Variants in BCAR3 observed in about 807,000 individuals in gnomAD.
The protein encoded by BCAR3 is BCAR3 adaptor protein, NSP family member.
In BCAR3, 37 loss-of-function variants were observed where a neutral mutation model predicts 80.1. The ratio of observed to expected loss-of-function variants is 0.46; its 90% confidence interval spans 0.36 to 0.61. BCAR3 has a LOEUF of 0.61. Among genes scored for constraint, BCAR3 ranks in the 20% least tolerant of loss-of-function variants. The pLI, the probability that BCAR3 is intolerant of heterozygous loss-of-function variation, is 0.00. For synonymous variants in BCAR3, 389 were observed against 418.9 expected (o/e 0.93, Z 0.87); for missense variants, 978 against 1,068.2 (o/e 0.92, Z 1.18).
chr1:93,785,082 A>G (rs1477408280), intron 2 of BCAR3, among the ~76,000 whole-genome samples: 1 of 152,208 alleles, frequency 6.6e-6, no homozygotes, highest in Non-Finnish European at 1.5e-5. Context: ...GGGGCATATC[A>G]TTCATTTCAG....
At chr1:93,783,820 C>T (rs1260363463) in intron 2 of BCAR3, among the ~76,000 whole-genome samples, 2 of 152,212 alleles carry the variant, frequency 1.3e-5, no homozygotes, top group African/African-American at 2.4e-5. Context: ...TACCACCCTC[C>T]CATCAAGGAC....
chr1:93,832,411 C>T lies in BCAR3; in HGVS notation c.-63+13156G>A, dbSNP rs13374554. Among the ~76,000 whole-genome samples, 1,390 of 152,288 alleles carry T rather than the reference C, an allele frequency of 9.1e-3. 27 individuals are homozygous for T. The highest frequency in any genetic ancestry group is 0.031 in the African/African-American group (1,288 of 41,546). On this transcript the variant is annotated intron_variant, in intron 2 of 13. Coordinates refer to the BCAR3 transcript ENST00000370244. ...CCTCCTAAGCCATGTTCCATCTGTG[C>T]GGGACCCCACTGCAAATCAGACTGT...
intron 3 of BCAR3, among the ~76,000 whole-genome samples, chr1:93,628,663 A>T (rs147104440): frequency 4.3e-4 from 65 of 152,226 alleles, no homozygotes; most frequent in African/African-American, 1.5e-3. Context: ...CTAAAATTTA[A>T]TGTCCCCTTA....
At chr1:93,826,952 G>A (rs1463265554) in intron 2 of BCAR3, among the ~76,000 whole-genome samples, 2 of 152,110 alleles carry the variant, frequency 1.3e-5, no homozygotes, top group Non-Finnish European at 2.9e-5. Flanking sequence ...CATCAGTGGA[G>A]GGAAATAAAG....
chr1:93,731,899 G>A (rs569634005), intron 2 of BCAR3, among the ~76,000 whole-genome samples: 1 of 152,312 alleles, frequency 6.6e-6, no homozygotes, highest in African/African-American at 2.4e-5. Flanking sequence ...TCTGGGCAAA[G>A]AGAAGGAAGG....
intron 2 of BCAR3, among the ~76,000 whole-genome samples, chr1:93,833,559 A>C (rs902022315): frequency 6.6e-6 from 1 of 152,206 alleles, no homozygotes; most frequent in Admixed American, 6.5e-5. Flanking sequence ...CGGTCATTTT[A>C]GAAGCCTCCC....
chr1:93,709,021 G>C (rs1185748012), intron 2 of BCAR3, among the ~76,000 whole-genome samples: 3 of 152,246 alleles, frequency 2.0e-5, no homozygotes, highest in Admixed American at 1.3e-4. Context: ...CATGTGAAGA[G>C]GCCAATTAAA....
intron 3 of BCAR3, among the ~76,000 whole-genome samples, chr1:93,690,501 G>C (rs1649151279): frequency 6.6e-6 from 1 of 152,164 alleles, no homozygotes; most frequent in South Asian, 2.1e-4. Flanking sequence ...ATATGTAAAG[G>C]AGCTGAGCTC....
intron 2 of BCAR3, among the ~76,000 whole-genome samples, chr1:93,733,630 C>A (rs937130516): frequency 1.3e-5 from 2 of 152,218 alleles, no homozygotes; most frequent in African/African-American, 2.4e-5. Context: ...CTTTTCTCTA[C>A]CCAGAGACTT....
chr1:93,582,075 G>C (rs1673729741), intron 7 of BCAR3, among the ~76,000 whole-genome samples: 1 of 152,208 alleles, frequency 6.6e-6, no homozygotes, highest in Non-Finnish European at 1.5e-5. Flanking sequence ...TAAGCTTCCT[G>C]CTTGGGCAAA....
intron 7 of BCAR3, among the ~76,000 whole-genome samples, chr1:93,576,448 G>T (rs1319602154): frequency 6.6e-6 from 1 of 152,174 alleles, no homozygotes; most frequent in Non-Finnish European, 1.5e-5. Flanking sequence ...TCTGACACCG[G>T]CCGGATCCTG....
chr1:93,713,154 G>A (rs1291928470), intron 2 of BCAR3, among the ~76,000 whole-genome samples: 1 of 152,182 alleles, frequency 6.6e-6, no homozygotes, highest in Non-Finnish European at 1.5e-5. Flanking sequence ...TTATTTCATT[G>A]TAATTAACTT....
upstream of BCAR3, chr1:93,847,896 A>G (rs1655288838): frequency 8.3e-6 from 2 of 242,188 alleles, no homozygotes; most frequent in South Asian, 4.3e-5. Context: ...TCCTGAGAAG[A>G]GCGGCGGCGG....
At position 93,674,690 on chromosome 1, in the gene BCAR3, G is replaced by A. The variant is rs1315683385; in HGVS notation, c.241C>T (p.Gln81Ter). Reference sequence around the variant, plus strand: ...CCATCCTGGGTCACAGGCGAGTTCTGCCGTGGGGATTTGGAGTGGGGGAGG... The same window carrying A: ...CCATCCTGGGTCACAGGCGAGTTCTACCGTGGGGATTTGGAGTGGGGGAGG... ...GTLPHSKSPRQNSPVTQDGIQ... is the reference protein window; with the variant it reads ...GTLPHSKSPR Residue 81 changes from glutamine to a stop codon, truncating the protein, a stop_gained, in exon 2 of 12, where the codon CAG becomes TAG. Transcript: ENST00000260502. LOFTEE classifies it high-confidence loss of function. The A allele has an allele frequency of 6.2e-7, 1 of 1,613,978 alleles. No individual in the cohort carries two copies. Among genetic ancestry groups the A allele is most frequent in the Non-Finnish European group, 8.5e-7 (1 of 1,180,014 alleles).
chr1:93,589,526 G>A (rs1674087561), intron 4 of BCAR3, 107 bp from the exon 5 acceptor site: 9 of 935,910 alleles, frequency 9.6e-6, no homozygotes, highest in Admixed American at 2.6e-5. Context: ...ATGCTACTAT[G>A]TCTCTTCTTG....
chr1:93,614,609 A>G (rs1675050525), intron 3 of BCAR3, among the ~76,000 whole-genome samples: 1 of 152,152 alleles, frequency 6.6e-6, no homozygotes, highest in African/African-American at 2.4e-5. Context: ...TTTGCAGCTG[A>G]TAACGTTGGC....
Position 93,567,270 on chromosome 1 carries a change from A to C in BCAR3, c.2299+9T>G, listed in dbSNP as rs74101606. The C allele has an allele frequency of 6.2e-7, 1 of 1,613,250 alleles. No homozygotes were observed. The highest frequency in any genetic ancestry group is 8.5e-7 in the Non-Finnish European group (1 of 1,179,872). On this transcript the variant is annotated intron_variant, in intron 11 of 11. Coordinates refer to ENST00000260502, the MANE Select transcript of BCAR3 (RefSeq NM_003567.4). The stretch of plus-strand genomic sequence containing the variant: ...TGTTAGAGAACAGCTTACAAAACCC[A>C]TCTCTTACCTGCCAGGATCCTCTCA...
intron 8 of BCAR3, 70 bp from the exon 9 acceptor site, chr1:93,571,911 C>T (rs1673234609): frequency 2.0e-6 from 3 of 1,520,942 alleles, no homozygotes; most frequent in South Asian, 1.3e-5. Flanking sequence ...CCAAATCAGC[C>T]AAGAGCAGGG....
rs1021708241 is a variant in BCAR3 at position 93,767,140 on chromosome 1, G to C, written c.-62-60998C>G. On this transcript the variant is annotated intron_variant, in intron 2 of 13. Transcript: ENST00000370244. ...CTATCAAGATCCATCTTTAACACAA[G>C]AAACCAAGAACAGTAGTTATCCAGG... Among the ~76,000 whole-genome samples the C allele has an allele frequency of 3.9e-5, 6 of 152,102 alleles. No homozygotes were observed. The East Asian group carries it at 1.2e-3, about 29-fold the overall frequency.
Sources: gnomAD v4.1 joint callset for allele counts (sites outside exome capture counted in the v4.1 genomes callset) on GRCh38, gnomAD v4.1.1 for gene constraint, MANE v1.5 for transcripts, NCBI Gene and HGNC (gene_info 2026-07-23, HGNC 2026-07-21) for gene names.